Variants in RAD51B observed in about 807,000 individuals in gnomAD.
The protein encoded by RAD51B is DNA repair protein RAD51 homolog 2.
In RAD51B, 38 loss-of-function variants were observed where a neutral mutation model predicts 42.2. The ratio of observed to expected loss-of-function variants is 0.90; its 90% CI spans 0.70 to 1.18. The LOEUF (loss-of-function observed/expected upper bound fraction) is 1.18, where lower values mean the gene tolerates loss of function less well. Ranked by LOEUF, RAD51B falls within the 50% of genes most tolerant of loss-of-function variation. The pLI is 0.00. For missense variants in RAD51B, 373 were observed against 400.7 expected (o/e 0.93, Z 0.59); for synonymous variants, 154 against 145.2 (o/e 1.06, Z -0.43).
intron 9 of RAD51B, among the ~76,000 whole-genome samples, chr14:68,462,706 C>A (rs74059318): frequency 0.012 from 1,844 of 152,190 alleles, 38 homozygotes; most frequent in African/African-American, 0.039. Context: ...TATGGGTGAC[C>A]ACTTTCCTTG....
At position 68,151,214 on chromosome 14, in the gene RAD51B, T is replaced by C. The variant is rs1175813389; in HGVS notation, c.757-140670T>C. On this transcript the variant is annotated intron_variant, in intron 7 of 10. Transcript: ENST00000471583. ...GATTGATAGATTTTTTTCTTTTAGC[T>C]TTTTGTAGTTATTGCTTTATTGTAT... Among the ~76,000 whole-genome samples, 4 of 152,002 alleles carry C rather than the reference T, an allele frequency of 2.6e-5. No homozygotes were observed. The East Asian group carries it at 7.7e-4, about 29-fold the overall frequency.
At chr14:68,059,474 T>C (rs1253745974) in intron 7 of RAD51B, among the ~76,000 whole-genome samples, 1 of 152,196 alleles carries the variant, frequency 6.6e-6, no homozygotes, top group African/African-American at 2.4e-5. Flanking sequence ...ATAGCTGCAA[T>C]TATTCTGGAT....
chr14:68,189,190 A>T (rs1032127114), intron 7 of RAD51B, among the ~76,000 whole-genome samples: 4 of 152,096 alleles, frequency 2.6e-5, no homozygotes, highest in African/African-American at 9.7e-5. Flanking sequence ...ATAAGTATAC[A>T]GTTGATGTAT....
chr14:67,888,992 G>T lies in RAD51B; in HGVS notation c.756+1788G>T, dbSNP rs2043142376. ...GTTTGTTTGCTTTTAAGTAGTAACT[G>T]TAGGCTAATGCTTTTCAGTTTTTCC... On this transcript the variant is annotated intron_variant, in intron 7 of 10. Transcript: ENST00000471583. Among the ~76,000 whole-genome samples the T allele has an allele frequency of 2.0e-5, 3 of 152,128 alleles. No individual in the cohort carries two copies. The South Asian group carries it at 6.2e-4, about 32-fold the overall frequency.
chr14:67,893,232 A>G (rs1228431052), intron 7 of RAD51B, among the ~76,000 whole-genome samples: 1 of 152,056 alleles, frequency 6.6e-6, no homozygotes, highest in Non-Finnish European at 1.5e-5. Context: ...AGATGGTGAT[A>G]TTAGGAGAAG....
chr14:68,621,647 G>A (rs1257862126), intron 10 of RAD51B, among the ~76,000 whole-genome samples: 1 of 152,234 alleles, frequency 6.6e-6, no homozygotes, highest in Non-Finnish European at 1.5e-5. Flanking sequence ...CCACATTGGG[G>A]CCCCAAGGAC....
intron 11 of RAD51B, among the ~76,000 whole-genome samples, chr14:68,658,194 GCTCT>G (rs763077603): frequency 3.3e-5 from 5 of 152,228 alleles, no homozygotes; most frequent in African/African-American, 7.2e-5. Context: ...CTCCCCAGCT[GCTCT>G]CTGAGGACAG....
intron 7 of RAD51B, among the ~76,000 whole-genome samples, chr14:68,048,034 G>A (rs1018950701): frequency 6.6e-6 from 1 of 152,112 alleles, no homozygotes; most frequent in African/African-American, 2.4e-5. Context: ...TATTTGTTGG[G>A]TGTTCACTCC....
chr14:67,824,826 C>G (rs1211236160), intron 2 of RAD51B, among the ~76,000 whole-genome samples: 1 of 151,624 alleles, frequency 6.6e-6, no homozygotes, highest in East Asian at 1.9e-4. Context: ...CACCTGTAAT[C>G]CCAGCACTTT....
chr14:68,250,743 A>G (rs918894975), intron 7 of RAD51B, among the ~76,000 whole-genome samples: 5 of 152,184 alleles, frequency 3.3e-5, no homozygotes, highest in African/African-American at 1.2e-4. Flanking sequence ...TGCTTAAACC[A>G]GATACCTGAG....
intron 8 of RAD51B, among the ~76,000 whole-genome samples, chr14:68,299,625 C>T (rs978370785): frequency 6.6e-6 from 1 of 152,164 alleles, no homozygotes; most frequent in Non-Finnish European, 1.5e-5. Flanking sequence ...TACTGAGGGA[C>T]AACTGTATTA....
chr14:67,837,205 A>G (rs939512749), intron 4 of RAD51B, among the ~76,000 whole-genome samples: 1 of 152,050 alleles, frequency 6.6e-6, no homozygotes, highest in African/African-American at 2.4e-5. Context: ...TTTGGAATAT[A>G]CTGCCACCAG....
At chr14:68,356,982 C>CAAAAA (rs34774624) in intron 8 of RAD51B, among the ~76,000 whole-genome samples, 11 of 92,222 alleles carry the variant, frequency 1.2e-4, no homozygotes, top group East Asian at 6.7e-4. Context: ...GACTCCGTCT[C>CAAAAA]AAAAAAAAAA....
At position 68,031,608 on chromosome 14, in the gene RAD51B, C is replaced by T. The variant is rs555419789; in HGVS notation, c.756+144404C>T. ...ACCAGAGAGGCTGGGGTGGGAAGAT[C>T]GCTTGAGGTTAGGAGTTTAAGACCA... is the stretch of plus-strand genomic sequence containing the variant. On this transcript the variant is annotated intron_variant, in intron 7 of 10. Transcript: ENST00000471583. Among the ~76,000 whole-genome samples, 22 of 152,136 alleles carry T rather than the reference C, an allele frequency of 1.4e-4. No homozygotes were observed. In the South Asian group the frequency reaches 3.7e-3, roughly 26 times the overall value.
At chr14:68,584,396 C>T (rs1490032936) in intron 10 of RAD51B, among the ~76,000 whole-genome samples, 3 of 152,170 alleles carry the variant, frequency 2.0e-5, no homozygotes, top group Non-Finnish European at 2.9e-5. Flanking sequence ...GTGGGAGTCA[C>T]TCAAGCAAAT....
chr14:68,638,845 T>TCA lies in RAD51B; in HGVS notation c.1037-11935_1037-11934dup, dbSNP rs766749227. Reference sequence around the variant, plus strand: ...AGCCCATCTCAGAGAAGGAAGGGTTTCATATGGAGCTGGAGAGAAAACAAC... The same window carrying TCA: ...AGCCCATCTCAGAGAAGGAAGGGTTTCACATATGGAGCTGGAGAGAAAACAAC... On this transcript the variant is annotated intron_variant, in intron 10 of 11. Transcript: ENST00000488612. 9.7e-4 allele frequency among the ~76,000 whole-genome samples: 148 copies of TCA among 152,230 alleles called. No individual in the cohort carries two copies. The Middle Eastern group carries it at 0.014, about 14-fold the overall frequency.
At chr14:68,327,355 C>A (rs2082268595) in intron 8 of RAD51B, among the ~76,000 whole-genome samples, 1 of 145,732 alleles carries the variant, frequency 6.9e-6, no homozygotes, top group Admixed American at 7.1e-5. Context: ...AATAAAAATG[C>A]TATTCTTCAG....
At chr14:67,926,108 C>G (rs909904737) in intron 7 of RAD51B, among the ~76,000 whole-genome samples, 2 of 152,180 alleles carry the variant, frequency 1.3e-5, no homozygotes, top group African/African-American at 4.8e-5. Context: ...ACATTTGGCC[C>G]CTTATTACTT....
intron 9 of RAD51B, among the ~76,000 whole-genome samples, chr14:68,431,478 G>A (rs1288388009): frequency 4.6e-5 from 7 of 152,126 alleles, no homozygotes; most frequent in South Asian, 2.1e-4. Flanking sequence ...GTTTAGTCTT[G>A]GGAGGGTGTA....
Sources: allele counts gnomAD v4.1 joint callset (sites outside exome capture counted in the v4.1 genomes callset), GRCh38; gene constraint gnomAD v4.1.1; transcripts MANE v1.5; gene names NCBI Gene and HGNC (gene_info 2026-07-23, HGNC 2026-07-21).